PAQR5: variants seen among roughly 807,000 people sequenced by gnomAD.
PAQR5 encodes membrane progestin receptor gamma.
In PAQR5, 20 loss-of-function variants were observed where a neutral mutation model predicts 34.5. The observed-to-expected ratio is 0.58, with a 90% CI of 0.41 to 0.84. PAQR5 has a LOEUF of 0.84. PAQR5 is among the 40% of genes least tolerant of loss of function. PAQR5 has a pLI of 0.00. For synonymous variants in PAQR5, 131 were observed against 155.6 expected (o/e 0.84, Z 1.18); for missense variants, 378 against 412.7 (o/e 0.92, Z 0.73).
chr15:69,355,844 G>A (rs915188875), intron 2 of PAQR5, among the ~76,000 whole-genome samples: 1 of 151,774 alleles, frequency 6.6e-6, no homozygotes, highest in Non-Finnish European at 1.5e-5. Flanking sequence ...CCTCTATTCT[G>A]CGTATCACAA....
At chr15:69,328,153 GACA>G (rs1187949773) in intron 1 of PAQR5, among the ~76,000 whole-genome samples, 3 of 152,190 alleles carry the variant, frequency 2.0e-5, no homozygotes, top group Non-Finnish European at 4.4e-5. Context: ...CTACCAAAAT[GACA>G]ACATTTGAAA....
At chr15:69,320,883 A>C (rs964795568) in intron 1 of PAQR5, among the ~76,000 whole-genome samples, 6 of 152,236 alleles carry the variant, frequency 3.9e-5, no homozygotes, top group Non-Finnish European at 8.8e-5. Flanking sequence ...AATTTTCTAG[A>C]AAAAGCTTTT....
intron 1 of PAQR5, among the ~76,000 whole-genome samples, chr15:69,310,912 G>A (rs1187523705): frequency 7.3e-5 from 11 of 151,380 alleles, no homozygotes; most frequent in Non-Finnish European, 1.0e-4. Context: ...GGTGGCGGGC[G>A]CCTGTAGTCC....
chr15:69,340,105 A>G (rs902649179), intron 2 of PAQR5, among the ~76,000 whole-genome samples: 9 of 151,712 alleles, frequency 5.9e-5, no homozygotes, highest in Non-Finnish European at 1.0e-4. Flanking sequence ...ACCTCAGGTG[A>G]TCTGCCCGCC....
At chr15:69,345,874 A>G (rs940290289) in intron 2 of PAQR5, among the ~76,000 whole-genome samples, 1 of 152,192 alleles carries the variant, frequency 6.6e-6, no homozygotes, top group African/African-American at 2.4e-5. Context: ...TCAAGGCTGC[A>G]GTGTGCTGTG....
intron 2 of PAQR5, among the ~76,000 whole-genome samples, chr15:69,352,144 C>T (rs954409212): frequency 5.3e-5 from 8 of 152,064 alleles, no homozygotes; most frequent in Non-Finnish European, 8.8e-5. Context: ...TTTGGCAGGC[C>T]CCTATAGGTG....
chr15:69,310,440 G>T (rs1339885111), intron 1 of PAQR5, among the ~76,000 whole-genome samples: 1 of 152,074 alleles, frequency 6.6e-6, no homozygotes, highest in Non-Finnish European at 1.5e-5. Flanking sequence ...TGCCAATCTG[G>T]AAGACAAAAA....
In PAQR5 at chr15:69,400,052, G is replaced by C; in HGVS notation, c.688G>C (p.Ala230Pro). The C allele has an allele frequency of 6.2e-7, 1 of 1,614,202 alleles. No homozygotes were observed. The highest frequency in any genetic ancestry group is 8.5e-7 in the Non-Finnish European group (1 of 1,180,026). Residue 230 changes from alanine (A) to proline (P), a missense_variant, in exon 8 of 9, where the codon GCC becomes CCC. Physicochemically the swap from Ala to Pro is conservative, Grantham distance 27. Transcript: ENST00000395407. ...GAAGCACATGATCATGACCCTCCTG[G>C]CCTCTTTCTTGTACTCTGCACATCT... The part of the protein sequence containing the change: ...HQKHMIMTLL[A>P]SFLYSAHLPE...
At chr15:69,392,473 C>G (rs574208642) in intron 6 of PAQR5, among the ~76,000 whole-genome samples, 2 of 151,986 alleles carry the variant, frequency 1.3e-5, no homozygotes, top group South Asian at 4.2e-4. Flanking sequence ...TGGAGTACAT[C>G]TGTGCCTATT....
intron 7 of PAQR5, among the ~76,000 whole-genome samples, chr15:69,398,899 G>A (rs1002580681): frequency 6.8e-4 from 104 of 152,192 alleles, no homozygotes; most frequent in Admixed American, 6.7e-3. Context: ...CAGCCTGCCT[G>A]GATTCAGATC....
chr15:69,382,657 AG>A (rs2055921638), intron 4 of PAQR5, among the ~76,000 whole-genome samples: 3 of 32,446 alleles, frequency 9.2e-5, no homozygotes, highest in Admixed American at 5.0e-4. Flanking sequence ...AAAAAAAAAA[AG>A]CATATATATA....
chr15:69,321,176 T>C (rs1013441234), intron 1 of PAQR5, among the ~76,000 whole-genome samples: 3 of 152,256 alleles, frequency 2.0e-5, no homozygotes, highest in African/African-American at 7.2e-5. Flanking sequence ...TGGTAATTAT[T>C]CTTGCAACAG....
chr15:69,379,428 A>T (rs2055816297), intron 3 of PAQR5: 1 of 985,254 alleles, frequency 1.0e-6, no homozygotes, highest in Non-Finnish European at 1.2e-6. Context: ...CTTGGTGAAT[A>T]TATCCTGGCA....
chr15:69,310,928 A>G (rs2053817458), intron 1 of PAQR5, among the ~76,000 whole-genome samples: 1 of 147,936 alleles, frequency 6.8e-6, no homozygotes, highest in Non-Finnish European at 1.5e-5. Flanking sequence ...AGTCCCAGCT[A>G]CTCGGGAGGC....
At chr15:69,394,218 G>C (rs2140974160) in intron 6 of PAQR5, among the ~76,000 whole-genome samples, 1 of 2,146 alleles carries the variant, frequency 4.7e-4, no homozygotes, top group African/African-American at 4.9e-4. Flanking sequence ...TCTAAGGACA[G>C]CTTAGAGGCA....
At chr15:69,338,429 C>T (rs1020017258) in intron 2 of PAQR5, among the ~76,000 whole-genome samples, 13 of 152,150 alleles carry the variant, frequency 8.5e-5, no homozygotes, top group Non-Finnish European at 1.3e-4. Context: ...TTATAGTAGG[C>T]TGTTCACTTA....
chr15:69,309,581 G>C (rs980572141), intron 1 of PAQR5, among the ~76,000 whole-genome samples: 2 of 152,040 alleles, frequency 1.3e-5, no homozygotes, highest in African/African-American at 2.4e-5. Flanking sequence ...TATCTCCCCC[G>C]ATCTCCCTGT....
intron 1 of PAQR5, among the ~76,000 whole-genome samples, chr15:69,319,386 G>C (rs955111700): frequency 1.3e-5 from 2 of 151,096 alleles, no homozygotes; most frequent in African/African-American, 2.4e-5. Flanking sequence ...TTTTGGTTGT[G>C]AGTGTCTTGT....
intron 3 of PAQR5, among the ~76,000 whole-genome samples, chr15:69,376,994 C>T (rs117019344): frequency 6.6e-6 from 1 of 152,170 alleles, no homozygotes; most frequent in African/African-American, 2.4e-5. Flanking sequence ...TGCAGCCCTA[C>T]CCAGCCTTCT....
Sources: gnomAD v4.1 joint callset for allele counts (sites outside exome capture counted in the v4.1 genomes callset) on GRCh38, gnomAD v4.1.1 for gene constraint, MANE v1.5 for transcripts, NCBI Gene and HGNC (gene_info 2026-07-23, HGNC 2026-07-21) for gene names.